LHFPL2: variants seen among roughly 807,000 people sequenced by gnomAD.
LHFPL2 encodes LHFPL tetraspan subfamily member 2 protein.
In LHFPL2, 7 loss-of-function variants were observed where a neutral mutation model predicts 17.5. That is an observed-to-expected ratio of 0.40 (90% CI 0.23 to 0.75). The LOEUF (loss-of-function observed/expected upper bound fraction) is 0.75. LHFPL2 is among the 30% of genes least tolerant of loss of function. The pLI is 0.37. For synonymous variants in LHFPL2, 134 were observed against 116.2 expected, an observed-to-expected ratio of 1.15 and a Z score of -0.99; for missense variants, 241 against 294.8, an observed-to-expected ratio of 0.82 and a Z score of 1.34.
At chr5:78,494,527 C>T (rs916844557) in intron 4 of LHFPL2, 8 of 985,328 alleles carry the variant, frequency 8.1e-6, no homozygotes, top group Non-Finnish European at 9.6e-6. Flanking sequence ...ATGATTCAAC[C>T]TTATCTGTAG....
chr5:78,524,177 G>A (rs370929672), intron 3 of LHFPL2, among the ~76,000 whole-genome samples: 4 of 152,122 alleles, frequency 2.6e-5, no homozygotes, highest in East Asian at 3.9e-4. Flanking sequence ...AGGAAAACCC[G>A]GGCCTTGCTC....
intron 1 of LHFPL2, among the ~76,000 whole-genome samples, chr5:78,638,069 T>A (rs1474273674): frequency 6.6e-6 from 1 of 152,094 alleles, no homozygotes; most frequent in Non-Finnish European, 1.5e-5. Flanking sequence ...AAGGAGGCAA[T>A]AAGGGCCGGG....
At chr5:78,520,501 C>A (rs1313307112) in intron 3 of LHFPL2, among the ~76,000 whole-genome samples, 2 of 152,234 alleles carry the variant, frequency 1.3e-5, no homozygotes, top group Non-Finnish European at 2.9e-5. Flanking sequence ...AGACTAGAGG[C>A]TCCTTCTAGA....
intron 3 of LHFPL2, among the ~76,000 whole-genome samples, chr5:78,551,938 C>G (rs1756454198): frequency 6.6e-6 from 1 of 152,182 alleles, no homozygotes; most frequent in African/African-American, 2.4e-5. Context: ...TTTCCCCACT[C>G]AAGCTATTAG....
chr5:78,594,309 G>A (rs949719130), intron 2 of LHFPL2, among the ~76,000 whole-genome samples: 5 of 152,154 alleles, frequency 3.3e-5, no homozygotes, highest in South Asian at 2.1e-4. Context: ...GACATCCTCC[G>A]ACTCAACTTG....
intron 3 of LHFPL2, among the ~76,000 whole-genome samples, chr5:78,518,783 T>G (rs1755363401): frequency 6.6e-6 from 1 of 152,196 alleles, no homozygotes; most frequent in African/African-American, 2.4e-5. Flanking sequence ...TCTGAACTCT[T>G]GTACTTGTTC....
At chr5:78,637,469 T>A (rs1745495677) in intron 1 of LHFPL2, among the ~76,000 whole-genome samples, 1 of 152,116 alleles carries the variant, frequency 6.6e-6, no homozygotes, top group Non-Finnish European at 1.5e-5. Context: ...CCCTAAAGGA[T>A]TAAAGGCATC....
At chr5:78,546,754 G>C (rs1256302207) in intron 3 of LHFPL2, among the ~76,000 whole-genome samples, 3 of 152,132 alleles carry the variant, frequency 2.0e-5, no homozygotes, top group Admixed American at 2.0e-4. Context: ...ATGACATAGT[G>C]GTCACACAGA....
chr5:78,540,869 C>G (rs887933910), intron 3 of LHFPL2, among the ~76,000 whole-genome samples: 1 of 152,114 alleles, frequency 6.6e-6, no homozygotes, highest in African/African-American at 2.4e-5. Flanking sequence ...TATGGGGACA[C>G]GGGGGGTTTT....
intron 2 of LHFPL2, among the ~76,000 whole-genome samples, chr5:78,602,872 T>A (rs567056531): frequency 3.4e-5 from 5 of 144,990 alleles, no homozygotes; most frequent in African/African-American, 1.1e-4. Flanking sequence ...CACAATGAGG[T>A]AGGGTTTTGT....
chr5:78,623,694 CAA>C (rs988925865), intron 2 of LHFPL2, among the ~76,000 whole-genome samples: 6 of 152,230 alleles, frequency 3.9e-5, no homozygotes, highest in African/African-American at 1.2e-4. Context: ...AGAGAATAAT[CAA>C]GTTTTCCCCA....
intron 2 of LHFPL2, among the ~76,000 whole-genome samples, chr5:78,614,149 A>G (rs1033638771): frequency 2.0e-5 from 3 of 152,224 alleles, no homozygotes; most frequent in African/African-American, 7.2e-5. Flanking sequence ...CCAAGTTTTA[A>G]AAAGCTTCAT....
chr5:78,628,283 CTAATT>C (rs1411288851), intron 2 of LHFPL2, among the ~76,000 whole-genome samples: 1 of 152,226 alleles, frequency 6.6e-6, no homozygotes, highest in African/African-American at 2.4e-5. Flanking sequence ...CCCTGCTCCT[CTAATT>C]TAAGGCCTAC....
chr5:78,580,883 G>T (rs1413576103), intron 2 of LHFPL2, among the ~76,000 whole-genome samples: 1 of 152,138 alleles, frequency 6.6e-6, no homozygotes, highest in Non-Finnish European at 1.5e-5. Context: ...ATTCTGTGAA[G>T]AAAGTCATTG....
At chr5:78,583,036 T>C (rs1401740650) in intron 2 of LHFPL2, among the ~76,000 whole-genome samples, 3 of 152,248 alleles carry the variant, frequency 2.0e-5, no homozygotes, top group Admixed American at 6.5e-5. Context: ...TTTAGCATTA[T>C]GTAATGGCCT....
chr5:78,545,164 C>G (rs776241130), intron 3 of LHFPL2, among the ~76,000 whole-genome samples: 25 of 151,920 alleles, frequency 1.6e-4, no homozygotes, highest in East Asian at 1.9e-4. Context: ...CAAAACCACG[C>G]AGAGAGCGCT....
In LHFPL2 at chr5:78,640,777, C is replaced by T. The variant is rs575199324; in HGVS notation, c.-350+7722G>A. 4.6e-5 allele frequency among the ~76,000 whole-genome samples: 7 copies of T among 152,332 alleles called. No homozygotes were observed. In the South Asian group the frequency reaches 1.0e-3, roughly 23 times the overall value. On this transcript the variant is annotated intron_variant, in intron 1 of 4. Transcript: ENST00000380345. ...AGGTGAGGTGTTATTGCTGGTTACACAGACTAACAATGATTAATCATCCCC... is the reference window on the plus strand; with the variant it reads ...AGGTGAGGTGTTATTGCTGGTTACATAGACTAACAATGATTAATCATCCCC...
At chr5:78,553,028 G>GTC (rs2112396424) in intron 3 of LHFPL2, among the ~76,000 whole-genome samples, 1 of 152,338 alleles carries the variant, frequency 6.6e-6, no homozygotes, top group East Asian at 1.9e-4. Flanking sequence ...CTGGATGTGA[G>GTC]TCAACAGAAA....
chr5:78,495,220 A>G (rs759332441), intron 4 of LHFPL2, among the ~76,000 whole-genome samples: 1 of 152,190 alleles, frequency 6.6e-6, no homozygotes, highest in Non-Finnish European at 1.5e-5. Context: ...TCTGAACCAC[A>G]GCATTTCAGT....
Sources: allele counts gnomAD v4.1 joint callset (sites outside exome capture counted in the v4.1 genomes callset), GRCh38; gene constraint gnomAD v4.1.1; transcripts MANE v1.5; gene names NCBI Gene and HGNC (gene_info 2026-07-23, HGNC 2026-07-21).